The following CCBE1 variants were observed in gnomAD, a reference collection of about 807,000 sequenced individuals.
CCBE1 encodes the protein collagen and calcium binding EGF domains 1, also known as collagen and calcium-binding EGF domain-containing protein 1.
In CCBE1, 37 loss-of-function variants were observed where a neutral mutation model predicts 50.0. That is an observed-to-expected ratio of 0.74 (90% CI 0.57 to 0.97). The LOEUF is 0.97. Among genes scored for constraint, CCBE1 ranks in the 50% least tolerant of loss-of-function variants. The pLI is 0.00. For missense variants in CCBE1, 538 were observed against 523.8 expected (o/e 1.03, Z -0.26); for synonymous variants, 234 against 203.7 (o/e 1.15, Z -1.27).
At chr18:59,520,318 T>C (rs905578256) in intron 2 of CCBE1, among the ~76,000 whole-genome samples, 10 of 152,222 alleles carry the variant, frequency 6.6e-5, no homozygotes, top group Non-Finnish European at 1.2e-4. Context: ...ATGGAATGTT[T>C]TTCCATTTGT....
rs750324482 is a variant in CCBE1, at chr18:59,625,430, C to CAA, written c.212+71197_212+71198dup. On this transcript the variant is annotated intron_variant, in intron 2 of 10. Coordinates refer to ENST00000439986, the MANE Select transcript of CCBE1 (RefSeq NM_133459.4). ...TGGGCTACAGAGTGAGATTCTGTCT[C>CAA]AAAAAAAAAAAAAAAAAAAAAAAAT... is the stretch of plus-strand genomic sequence containing the variant. 7.7e-3 allele frequency among the ~76,000 whole-genome samples: 535 copies of CAA among 69,306 alleles called. 15 individuals are homozygous for CAA. The highest frequency in any genetic ancestry group is 0.018 in the South Asian group (37 of 2,108). The allele number at this position is 69,306 out of a possible 152,430, so 45.5% of individuals were successfully genotyped here.
chr18:59,549,671 G>C (rs1004446700), intron 2 of CCBE1, among the ~76,000 whole-genome samples: 2 of 152,138 alleles, frequency 1.3e-5, no homozygotes, highest in African/African-American at 4.8e-5. Flanking sequence ...GAACAGGCAG[G>C]CCCAGCAGTC....
intron 2 of CCBE1, among the ~76,000 whole-genome samples, chr18:59,669,563 G>A (rs980585992): frequency 8.5e-5 from 13 of 152,240 alleles, no homozygotes; most frequent in Admixed American, 5.2e-4. Context: ...GGGCCCATGT[G>A]CACCTACGTG....
intron 2 of CCBE1, among the ~76,000 whole-genome samples, chr18:59,660,544 T>G (rs971668464): frequency 3.3e-5 from 5 of 152,170 alleles, no homozygotes; most frequent in African/African-American, 1.2e-4. Flanking sequence ...TGAGCCTAAG[T>G]TTAAGCATTT....
intron 2 of CCBE1, among the ~76,000 whole-genome samples, chr18:59,618,454 A>G (rs1182249198): frequency 7.2e-6 from 1 of 138,272 alleles, no homozygotes; most frequent in Admixed American, 7.2e-5. Flanking sequence ...TTTTTTTTTG[A>G]GACAGAGTCT....
At chr18:59,650,144 T>C (rs939414827) in intron 2 of CCBE1, among the ~76,000 whole-genome samples, 2 of 151,954 alleles carry the variant, frequency 1.3e-5, no homozygotes, top group African/African-American at 2.4e-5. Context: ...CAGAACTAAT[T>C]TTCAGAAGCT....
intron 5 of CCBE1, among the ~76,000 whole-genome samples, chr18:59,464,345 T>A (rs761609879): frequency 2.0e-5 from 3 of 152,160 alleles, no homozygotes; most frequent in Non-Finnish European, 4.4e-5. Flanking sequence ...GGAGAGCCCC[T>A]TGAACCCGGG....
chr18:59,615,585 A>C (rs1599066030), intron 2 of CCBE1, among the ~76,000 whole-genome samples: 2 of 152,080 alleles, frequency 1.3e-5, no homozygotes, highest in South Asian at 4.1e-4. Flanking sequence ...ACAGTTAATT[A>C]TAAGTTTGTT....
At chr18:59,504,558 A>G (rs1322989835) in intron 2 of CCBE1, among the ~76,000 whole-genome samples, 1 of 152,126 alleles carries the variant, frequency 6.6e-6, no homozygotes, top group Non-Finnish European at 1.5e-5. Context: ...GAGACAGAAA[A>G]GGACATGGAA....
At chr18:59,441,521 T>C (rs1051773165) in intron 7 of CCBE1, among the ~76,000 whole-genome samples, 2 of 150,984 alleles carry the variant, frequency 1.3e-5, no homozygotes, top group Non-Finnish European at 2.9e-5. Flanking sequence ...AAACACATTG[T>C]CAAGTAATAG....
At chr18:59,481,255 T>G (rs769728073) in intron 2 of CCBE1, among the ~76,000 whole-genome samples, 1 of 151,988 alleles carries the variant, frequency 6.6e-6, no homozygotes, top group African/African-American at 2.4e-5. Flanking sequence ...ATTTGTGAAT[T>G]TGAAAATAAA....
intron 2 of CCBE1, among the ~76,000 whole-genome samples, chr18:59,657,409 C>G (rs1366820010): frequency 6.6e-6 from 1 of 152,232 alleles, no homozygotes; most frequent in Non-Finnish European, 1.5e-5. Flanking sequence ...AACGTCCCTG[C>G]CTCCATTTGT....
chr18:59,532,659 C>T (rs1915097215), intron 2 of CCBE1, among the ~76,000 whole-genome samples: 1 of 152,220 alleles, frequency 6.6e-6, no homozygotes, highest in Non-Finnish European at 1.5e-5. Flanking sequence ...AAGAAACATT[C>T]TTGCAGATGT....
At chr18:59,518,796 G>A (rs1331941751) in intron 2 of CCBE1, among the ~76,000 whole-genome samples, 1 of 152,116 alleles carries the variant, frequency 6.6e-6, no homozygotes, top group Non-Finnish European at 1.5e-5. Flanking sequence ...GGCTTTCTCT[G>A]GCTACCAGAG....
intron 2 of CCBE1, among the ~76,000 whole-genome samples, chr18:59,525,108 G>A (rs1363720604): frequency 6.6e-6 from 1 of 152,156 alleles, no homozygotes; most frequent in Non-Finnish European, 1.5e-5. Flanking sequence ...GGGATTGCTA[G>A]GTCAAATGGT....
At chr18:59,449,018 C>T (rs894648898) in intron 6 of CCBE1, among the ~76,000 whole-genome samples, 1 of 152,182 alleles carries the variant, frequency 6.6e-6, no homozygotes, top group African/African-American at 2.4e-5. Flanking sequence ...ATCAGTAAAT[C>T]TACTGCAACC....
chr18:59,548,458 C>G (rs996616726), intron 2 of CCBE1, among the ~76,000 whole-genome samples: 1 of 152,160 alleles, frequency 6.6e-6, no homozygotes, highest in African/African-American at 2.4e-5. Context: ...GCTAGGTCAT[C>G]AGGATTCCTT....
At chr18:59,489,793 C>T (rs941191204) in intron 2 of CCBE1, among the ~76,000 whole-genome samples, 5 of 152,098 alleles carry the variant, frequency 3.3e-5, no homozygotes, top group African/African-American at 4.8e-5. Flanking sequence ...CTTTATCTCC[C>T]TAAATGAATT....
intron 2 of CCBE1, among the ~76,000 whole-genome samples, chr18:59,551,023 A>AAAAAAAGAAAAAAGAAAAAAG (rs1568201633): frequency 4.2e-5 from 6 of 141,442 alleles, no homozygotes; most frequent in African/African-American, 1.7e-4. Flanking sequence ...AAAAAAAAAA[A>AAAAAAAGAAAAAAGAAAAAAG]AAAAAAGAAA....
Sources: allele counts gnomAD v4.1 joint callset (sites outside exome capture counted in the v4.1 genomes callset), GRCh38; gene constraint gnomAD v4.1.1; transcripts MANE v1.5; gene names NCBI Gene and HGNC (gene_info 2026-07-23, HGNC 2026-07-21).